TRPM7: variants seen among roughly 807,000 people sequenced by gnomAD.
TRPM7 encodes the protein transient receptor potential cation channel subfamily M member 7.
TRPM7 carries 134 observed loss-of-function variants against 229.7 expected under a neutral mutation model. The ratio of observed to expected loss-of-function variants is 0.58; its 90% confidence interval spans 0.51 to 0.67. TRPM7 has a LOEUF of 0.67. TRPM7 is among the 30% of genes least tolerant of loss of function. The probability of loss-of-function intolerance (pLI) is 0.00; values close to 1 mark genes in which losing one functional copy is unlikely to be tolerated. For missense variants in TRPM7, 1,901 were observed against 2,210.0 expected (o/e 0.86, Z 2.80); for synonymous variants, 699 against 715.2 (o/e 0.98, Z 0.36).
rs547407064 is a variant in TRPM7 at position 50,571,036 on chromosome 15, TTACA to T, written c.5309-885_5309-882del. Among the ~76,000 whole-genome samples, 227 of 152,266 alleles carry T rather than the reference TTACA, an allele frequency of 1.5e-3. 2 individuals are homozygous for T. Among genetic ancestry groups the T allele is most frequent in the African/African-American group, 5.1e-3 (213 of 41,546 alleles). On this transcript the variant is annotated intron_variant, in intron 36 of 38. Coordinates refer to ENST00000646667, the MANE Select transcript of TRPM7 (RefSeq NM_017672.6). ...ATTATGATTAAATCCTTCCAGTCTC[TTACA>T]TATTCATGTGTGTATATATAAACAC...
At position 50,561,374 on chromosome 15, in the gene TRPM7, A is replaced by G. The variant is rs616256; in HGVS notation, c.*304T>C. ...AATGGTATTGTACCACATAAGAGAG[A>G]GCATCACCCTCATCAAAACAAAGTC... On this transcript the variant is annotated 3_prime_UTR_variant, in exon 39 of 39. Coordinates refer to ENST00000646667, the MANE Select transcript of TRPM7 (RefSeq NM_017672.6). The G allele has an allele frequency of 0.56, 136,587 of 245,276 alleles. 38,442 individuals carry two copies. The highest frequency in any genetic ancestry group is 0.62 in the Admixed American group (11,506 of 18,570). The allele number at this position is 245,276 out of a possible 1,614,324, so 15.2% of individuals were successfully genotyped here. A position where few individuals can be genotyped will look rare whatever the true frequency, so the allele number is the denominator to read the frequency against.
chr15:50,635,746 G>C (rs146947863), intron 7 of TRPM7, among the ~76,000 whole-genome samples: 1 of 147,606 alleles, frequency 6.8e-6, no homozygotes, highest in African/African-American at 2.5e-5. Flanking sequence ...TCAGGAGGCC[G>C]AGGCCGGCGA....
chr15:50,598,163 G>A (rs1316074737), intron 22 of TRPM7, among the ~76,000 whole-genome samples: 1 of 152,176 alleles, frequency 6.6e-6, no homozygotes, highest in East Asian at 1.9e-4. Flanking sequence ...CAGATATTGG[G>A]GGAGGTAAGA....
intron 1 of TRPM7, among the ~76,000 whole-genome samples, chr15:50,671,167 T>C (rs1046797790): frequency 1.3e-5 from 2 of 152,176 alleles, no homozygotes; most frequent in Non-Finnish European, 2.9e-5. Context: ...TCTTCCTAAC[T>C]GAAATTTTGC....
At chr15:50,580,983 C>G (rs531977439) in intron 29 of TRPM7, 75 bp from the exon 30 acceptor site, 2 of 1,451,024 alleles carry the variant, frequency 1.4e-6, no homozygotes, top group Non-Finnish European at 1.8e-6. Context: ...AACGGTTTAA[C>G]TTTTTTTCTT....
chr15:50,575,983 C>A, intron 31 of TRPM7, 64 bp from the exon 32 acceptor site: 1 of 1,481,208 alleles, frequency 6.8e-7, no homozygotes, highest in Non-Finnish European at 9.3e-7. Context: ...AATTTTAACC[C>A]GGATAATCTC....
rs540270954 is a variant in TRPM7 at position 50,569,818 on chromosome 15, C to T, written c.5467+69G>A. On this transcript the variant is annotated intron_variant, in intron 38 of 38. Coordinates refer to ENST00000646667, the MANE Select transcript of TRPM7 (RefSeq NM_017672.6). ...TACATTAAACATTTGTACCTCTGGCCTTATGAGGTATTGTAGTAACCAAGT... is the reference window on the plus strand; with the variant it reads ...TACATTAAACATTTGTACCTCTGGCTTTATGAGGTATTGTAGTAACCAAGT... 40 of 948,364 alleles carry T rather than the reference C, an allele frequency of 4.2e-5. No individual in the cohort carries two copies. The African/African-American group carries it at 5.6e-4, about 13-fold the overall frequency. The allele number at this position is 948,364 out of a possible 1,614,324, so 58.7% of individuals were successfully genotyped here.
intron 38 of TRPM7, among the ~76,000 whole-genome samples, chr15:50,566,102 G>C (rs1464120186): frequency 6.6e-6 from 1 of 151,826 alleles, no homozygotes; most frequent in East Asian, 1.9e-4. Context: ...TGGGATTACA[G>C]GTGTGAGCCA....
Position 50,686,558 on chromosome 15 carries a change from A to G in TRPM7, c.-25T>C, listed in dbSNP as rs762820574. 2.5e-6 allele frequency: 4 copies of G among 1,609,656 alleles called. No homozygotes were observed. The highest frequency in any genetic ancestry group is 2.7e-5 in the African/African-American group (2 of 74,574). On this transcript the variant is annotated 5_prime_UTR_variant, in exon 1 of 39. Transcript: ENST00000646667. ...TTCTCCTCACGGGGCGGACTCCGGA[A>G]GGGCAGCAACTCCACCTCCTCCTCC...
chr15:50,583,434 A>G (rs1222352651), intron 28 of TRPM7, among the ~76,000 whole-genome samples: 1 of 152,132 alleles, frequency 6.6e-6, no homozygotes, highest in African/African-American at 2.4e-5. Flanking sequence ...CTGACTGGGG[A>G]CAGTAAAGGT....
At chr15:50,618,461 T>C (rs1295626300) in intron 13 of TRPM7, among the ~76,000 whole-genome samples, 8 of 151,790 alleles carry the variant, frequency 5.3e-5, no homozygotes, top group Non-Finnish European at 8.8e-5. Context: ...TCCCAGCTAC[T>C]TGGGAGGCTG....
At chr15:50,648,218 T>A (rs1301315427) in intron 4 of TRPM7, among the ~76,000 whole-genome samples, 1 of 152,108 alleles carries the variant, frequency 6.6e-6, no homozygotes, top group Non-Finnish European at 1.5e-5. Context: ...AGGATGACTG[T>A]ATAAATAATA....
intron 2 of TRPM7, among the ~76,000 whole-genome samples, chr15:50,658,459 A>G (rs980190767): frequency 6.6e-6 from 1 of 151,916 alleles, no homozygotes; most frequent in Non-Finnish European, 1.5e-5. Context: ...AGTCCTAGCT[A>G]CTAGGGAGGC....
At position 50,560,100 on chromosome 15, in the gene TRPM7, T is replaced by C. The variant is rs2053255172; in HGVS notation, c.*1578A>G. On this transcript the variant is annotated 3_prime_UTR_variant, in exon 39 of 39. Coordinates refer to ENST00000646667, the MANE Select transcript of TRPM7 (RefSeq NM_017672.6). ...AAATTAAAAATCAACAGACAGCCCA[T>C]ATTGCCCTTTTTTGGCCTAACAAAA... 1 of 149,568 alleles carries C rather than the reference T, an allele frequency of 6.7e-6. No individual in the cohort carries two copies. The highest frequency in any genetic ancestry group is 1.5e-5 in the Non-Finnish European group (1 of 67,500). The allele number at this position is 149,568 out of a possible 1,614,324, so 9.3% of individuals were successfully genotyped here.
intron 21 of TRPM7, among the ~76,000 whole-genome samples, chr15:50,601,065 CA>C (rs1333582214): frequency 2.6e-5 from 4 of 151,638 alleles, no homozygotes; most frequent in Non-Finnish European, 5.9e-5. Flanking sequence ...TTTTAAAAGG[CA>C]AAAAAAGTAT....
chr15:50,577,241 G>GT (rs533649746), intron 31 of TRPM7, among the ~76,000 whole-genome samples: 3 of 152,108 alleles, frequency 2.0e-5, no homozygotes, highest in Non-Finnish European at 4.4e-5. Flanking sequence ...AAAATGTAAA[G>GT]TGGAGGAGTG....
intron 12 of TRPM7, among the ~76,000 whole-genome samples, chr15:50,622,054 A>G (rs1208445817): frequency 1.3e-5 from 2 of 152,182 alleles, no homozygotes; most frequent in Non-Finnish European, 2.9e-5. Flanking sequence ...AAAACAAAAA[A>G]AAAGTATCAG....
At chr15:50,630,797 G>A (rs1217062673) in intron 10 of TRPM7, among the ~76,000 whole-genome samples, 1 of 152,022 alleles carries the variant, frequency 6.6e-6, no homozygotes, top group East Asian at 1.9e-4. Context: ...TCAGCCTCCT[G>A]AACAGCTGGG....
chr15:50,571,987 G>A (rs549769333), intron 36 of TRPM7, among the ~76,000 whole-genome samples: 2 of 152,336 alleles, frequency 1.3e-5, no homozygotes, highest in South Asian at 4.1e-4. Context: ...ATGAAAGGAA[G>A]AATCAATCCA....
Sources: allele counts gnomAD v4.1 joint callset (sites outside exome capture counted in the v4.1 genomes callset), GRCh38; gene constraint gnomAD v4.1.1; transcripts MANE v1.5; gene names NCBI Gene and HGNC (gene_info 2026-07-23, HGNC 2026-07-21).